KCNMA1: variants seen among roughly 807,000 people sequenced by gnomAD.
KCNMA1 encodes Calcium-activated potassium channel subunit alpha-1.
Under a neutral mutation model 140.0 loss-of-function variants are expected in KCNMA1, and 29 were observed. The ratio of observed to expected loss-of-function variants is 0.21; its 90% CI spans 0.15 to 0.28. The LOEUF is 0.28. Among genes scored for constraint, KCNMA1 ranks in the 10% least tolerant of loss-of-function variants. KCNMA1 has a pLI of 1.00. For missense variants in KCNMA1, 880 were observed against 1,602.2 expected (o/e 0.55, Z 7.70); for synonymous variants, 612 against 611.9 (o/e 1.00, Z 0.00).
At chr10:77,609,990 C>T (rs957713115) in intron 1 of KCNMA1, among the ~76,000 whole-genome samples, 1 of 152,224 alleles carries the variant, frequency 6.6e-6, no homozygotes. Flanking sequence ...AAAACAGAAA[C>T]AAGGCGGCCA....
At chr10:77,142,400 A>T (rs925167286) in intron 5 of KCNMA1, among the ~76,000 whole-genome samples, 3 of 151,938 alleles carry the variant, frequency 2.0e-5, no homozygotes, top group Non-Finnish European at 2.9e-5. Context: ...AAAGAAAAAA[A>T]GAAAACAAAA....
chr10:77,122,524 C>T (rs552863715), intron 5 of KCNMA1, among the ~76,000 whole-genome samples: 69 of 151,584 alleles, frequency 4.6e-4, no homozygotes, highest in Non-Finnish European at 8.4e-4. Flanking sequence ...TAAGAAGTCA[C>T]CTCAGAAAGC....
At chr10:77,379,532 TC>T (rs1272595935) in intron 2 of KCNMA1, among the ~76,000 whole-genome samples, 1 of 150,212 alleles carries the variant, frequency 6.7e-6, no homozygotes, top group African/African-American at 2.5e-5. Flanking sequence ...AAGGAAGGCA[TC>T]TAGGATGCAG....
At position 77,108,672 on chromosome 10, in the gene KCNMA1, G is replaced by A. The variant is rs762996543; in HGVS notation, c.1132-100C>T. On this transcript the variant is annotated intron_variant, in intron 8 of 27. Coordinates refer to ENST00000286628, the MANE Select transcript of KCNMA1 (RefSeq NM_001161352.2). This position sits in a 1 kb window ranked among gnomAD's most constrained non-coding sequence, Gnocchi z 4.6. The stretch of plus-strand genomic sequence containing the variant: ...GGCACTAAGATCTGAAAACACAAAA[G>A]GATTAGGCCTGCAAAGGTATATATT... 4 of 872,714 alleles carry A rather than the reference G, an allele frequency of 4.6e-6. No homozygotes were observed. Among genetic ancestry groups the A allele is most frequent in the Non-Finnish European group, 7.7e-6 (4 of 521,158 alleles). 54.1% of individuals were successfully genotyped at this position (872,714 alleles called of 1,614,324 possible). A position where few individuals can be genotyped will look rare whatever the true frequency, so the allele number is the denominator to read the frequency against.
chr10:77,216,521 A>G (rs1030807806), intron 3 of KCNMA1, among the ~76,000 whole-genome samples: 2 of 152,194 alleles, frequency 1.3e-5, no homozygotes, highest in African/African-American at 4.8e-5. Flanking sequence ...TATGCCACCA[A>G]GAAAGAAAAT....
chr10:77,272,210 G>C (rs1201482737), intron 2 of KCNMA1, among the ~76,000 whole-genome samples: 2 of 152,152 alleles, frequency 1.3e-5, no homozygotes, highest in Non-Finnish European at 2.9e-5. Flanking sequence ...TAAGGACACA[G>C]ACCTGGTCTG....
At chr10:77,575,177 T>TC (rs1413325616) in intron 1 of KCNMA1, among the ~76,000 whole-genome samples, 3 of 151,982 alleles carry the variant, frequency 2.0e-5, no homozygotes, top group Non-Finnish European at 4.4e-5. Context: ...GCCGGCCAGC[T>TC]CCCCAACAGC....
rs558508467 is a variant in KCNMA1 at position 76,886,346 on chromosome 10, T to C, written c.*920A>G. 3.0e-6 allele frequency: 3 copies of C among 985,190 alleles called. No individual in the cohort carries two copies. In the East Asian group the frequency reaches 3.4e-4, roughly 112 times the overall value. The allele number at this position is 985,190 out of a possible 1,614,324, so 61.0% of individuals were successfully genotyped here. A position where few individuals can be genotyped will look rare whatever the true frequency, so the allele number is the denominator to read the frequency against. Reference sequence around the variant, plus strand: ...GGTAAGTAATTCACCTTTTAAAAGATGTAAAAGTCCCAGGAAGGCAGTTTT... The same window carrying C: ...GGTAAGTAATTCACCTTTTAAAAGACGTAAAAGTCCCAGGAAGGCAGTTTT... On this transcript the variant is annotated 3_prime_UTR_variant, in exon 28 of 28. Transcript: ENST00000286628.
intron 17 of KCNMA1, among the ~76,000 whole-genome samples, chr10:77,013,192 G>T (rs2091244023): frequency 6.6e-6 from 1 of 151,998 alleles, no homozygotes. Context: ...GCACTCATTG[G>T]AAACCAATGT....
chr10:77,552,913 G>A (rs2063206614), intron 1 of KCNMA1, among the ~76,000 whole-genome samples: 1 of 152,136 alleles, frequency 6.6e-6, no homozygotes, highest in Admixed American at 6.5e-5. Flanking sequence ...GCCAGGCATG[G>A]TGGTGCACAC....
At chr10:77,366,909 A>T in intron 2 of KCNMA1, among the ~76,000 whole-genome samples, 1 of 152,200 alleles carries the variant, frequency 6.6e-6, no homozygotes, top group South Asian at 2.1e-4. Flanking sequence ...ATTTCTATAA[A>T]GTCAGTTTGT....
At chr10:77,227,812 T>C (rs2052029597) in intron 3 of KCNMA1, among the ~76,000 whole-genome samples, 1 of 152,172 alleles carries the variant, frequency 6.6e-6, no homozygotes, top group African/African-American at 2.4e-5. Flanking sequence ...GCTGTCACTT[T>C]AAGCAAGATA....
At chr10:77,152,895 C>T (rs546425803) in intron 5 of KCNMA1, among the ~76,000 whole-genome samples, 118 of 152,292 alleles carry the variant, frequency 7.7e-4, no homozygotes, top group African/African-American at 2.6e-3. Context: ...ATGGAAAGGA[C>T]TGATTGCGAC....
chr10:77,634,365 CT>C (rs2093522853), intron 1 of KCNMA1: 1 of 985,308 alleles, frequency 1.0e-6, no homozygotes, highest in Non-Finnish European at 1.2e-6. Flanking sequence ...ACATGCCACT[CT>C]TTTCAAAAGA....
intron 10 of KCNMA1, among the ~76,000 whole-genome samples, chr10:77,089,237 G>A (rs1038550948): frequency 5.3e-5 from 8 of 152,192 alleles, no homozygotes; most frequent in Admixed American, 4.6e-4. Flanking sequence ...GCCAGAGGAC[G>A]ACGATCCACC....
chr10:77,527,069 C>A (rs750722893), intron 1 of KCNMA1, among the ~76,000 whole-genome samples: 3 of 152,240 alleles, frequency 2.0e-5, no homozygotes, highest in Non-Finnish European at 4.4e-5. Context: ...GGGAGCTCGT[C>A]ATGTCCCTTT....
At chr10:77,605,448 G>A (rs1323435347) in intron 1 of KCNMA1, among the ~76,000 whole-genome samples, 1 of 152,232 alleles carries the variant, frequency 6.6e-6, no homozygotes, top group African/African-American at 2.4e-5. Flanking sequence ...TTCAAGCCAA[G>A]TCTGTCTGTT....
intron 1 of KCNMA1, among the ~76,000 whole-genome samples, chr10:77,500,233 T>C (rs1385323583): frequency 6.6e-6 from 1 of 150,890 alleles, no homozygotes; most frequent in Non-Finnish European, 1.5e-5. Context: ...ACACATTATA[T>C]ATAGTATTAA....
chr10:77,568,489 G>A (rs1168523118), intron 1 of KCNMA1, among the ~76,000 whole-genome samples: 10 of 151,966 alleles, frequency 6.6e-5, no homozygotes, highest in African/African-American at 2.4e-4. Flanking sequence ...AAAACCACAT[G>A]ATTATCTCAA....
Sources: allele counts gnomAD v4.1 joint callset (sites outside exome capture counted in the v4.1 genomes callset), GRCh38; gene constraint gnomAD v4.1.1; non-coding constraint Gnocchi (gnomAD v3.1); transcripts MANE v1.5; gene names NCBI Gene and HGNC (gene_info 2026-07-23, HGNC 2026-07-21).